Variants in FKBP11 observed in about 807,000 individuals in gnomAD.
FKBP11 encodes the protein peptidyl-prolyl cis-trans isomerase FKBP11.
Under a neutral mutation model 24.7 loss-of-function variants are expected in FKBP11, and 21 were observed. The ratio of observed to expected loss-of-function variants is 0.85; its 90% confidence interval spans 0.60 to 1.23. The LOEUF is 1.23. Ranked by LOEUF, FKBP11 falls within the 50% of genes most tolerant of loss-of-function variation. The pLI, the probability that FKBP11 is intolerant of heterozygous loss-of-function variation, is 0.00. For synonymous variants in FKBP11, 106 were observed against 100.6 expected (o/e 1.05, Z -0.32); for missense variants, 245 against 248.7 (o/e 0.99, Z 0.10).
chr12:48,933,698 C>CAAAA, the FKBP11 span, among the ~76,000 whole-genome samples: 3 of 103,328 alleles, frequency 2.9e-5, no homozygotes, highest in South Asian at 3.4e-4. Flanking sequence ...GACTCCGTCT[C>CAAAA]AAAAAAAAAA....
At chr12:48,932,182 T>C in the FKBP11 span, among the ~76,000 whole-genome samples, 2 of 135,864 alleles carry the variant, frequency 1.5e-5, no homozygotes, top group Non-Finnish European at 3.1e-5. Context: ...TATATATATA[T>C]ATAATATAAA....
chr12:48,931,322 C>T (rs1314701659), upstream of FKBP11: 8 of 1,148,158 alleles, frequency 7.0e-6, no homozygotes, highest in African/African-American at 1.5e-5. Flanking sequence ...AGGCTCTGTT[C>T]AGGAACCTGA....
intron 3 of FKBP11, 58 bp from the exon 4 acceptor site, chr12:48,924,314 C>T: frequency 6.2e-7 from 1 of 1,605,544 alleles, no homozygotes; most frequent in Non-Finnish European, 8.5e-7. Context: ...AATCCCATGA[C>T]ATGAAGATCA....
At chr12:48,923,119 G>T in intron 5 of FKBP11, 1 of 1,088,312 alleles carries the variant, frequency 9.2e-7, no homozygotes, top group Non-Finnish European at 1.1e-6. Context: ...TTGCACTCCA[G>T]CCTGGGCAAC....
the FKBP11 span, among the ~76,000 whole-genome samples, chr12:48,935,457 C>T: frequency 1.3e-5 from 2 of 152,136 alleles, no homozygotes; most frequent in African/African-American, 4.8e-5. Flanking sequence ...GGAAGGCTTG[C>T]CTGGCTCACC....
chr12:48,923,633 G>T, intron 5 of FKBP11, 149 bp downstream of exon 5: 2 of 1,562,202 alleles, frequency 1.3e-6, no homozygotes, highest in Non-Finnish European at 1.7e-6. Context: ...GGAAAAAGGT[G>T]GCCCTGTAGA....
At chr12:48,922,488 T>G (rs1446558206) in intron 5 of FKBP11, 7 of 974,924 alleles carry the variant, frequency 7.2e-6, no homozygotes, top group Non-Finnish European at 9.0e-6. Context: ...CTCTTCTCCA[T>G]TTGTAAGTGG....
At position 48,923,169 on chromosome 12, in the gene FKBP11, G is replaced by A. The variant is rs1034815584; in HGVS notation, c.388+613C>T. On this transcript the variant is annotated intron_variant, in intron 5 of 5. Coordinates refer to ENST00000550765, the MANE Select transcript of FKBP11 (RefSeq NM_016594.3). ...ATCTCAAAAAAAAAAAAAGAATTAC[G>A]AGCCCAATACTCTGTGGAGTACAAC... The A allele has an allele frequency of 9.5e-5, 104 of 1,093,742 alleles. No homozygotes were observed. The African/African-American group carries it at 1.2e-3, about 13-fold the overall frequency. 67.8% of individuals were successfully genotyped at this position (1,093,742 alleles called of 1,614,324 possible).
At chr12:48,922,728 A>C (rs1416556362) in intron 5 of FKBP11, 1 of 994,142 alleles carries the variant, frequency 1.0e-6, no homozygotes, top group African/African-American at 1.7e-5. Flanking sequence ...AACAGAAATG[A>C]GTGGGCAGAA....
At chr12:48,932,247 ATATATATATATATATTTTTTTTTTTT>A in the FKBP11 span, among the ~76,000 whole-genome samples, 42 of 36,162 alleles carry the variant, frequency 1.2e-3, 1 homozygote, top group East Asian at 7.6e-3. Context: ...ATATATATAT[ATATATATATATATATTTTTTTTTTTT>A]TTTTTTTTTT....
At position 48,925,458 on chromosome 12, in the gene FKBP11, C is replaced by G. The variant is rs1000288735; in HGVS notation, c.-30G>C. On this transcript the variant is annotated 5_prime_UTR_variant, in exon 1 of 6. Transcript: ENST00000550765. ...GGGCGCGGGGCAGGGAGCCGGGGCACCAGGACAGGCTGTTCGGGTGGCGGC... is the reference window on the plus strand; with the variant it reads ...GGGCGCGGGGCAGGGAGCCGGGGCAGCAGGACAGGCTGTTCGGGTGGCGGC... The G allele has an allele frequency of 1.9e-6, 3 of 1,542,340 alleles. No individual in the cohort carries two copies. In the African/African-American group the frequency reaches 4.1e-5, roughly 21 times the overall value.
chr12:48,938,210 T>G, the FKBP11 span: 1 of 357,024 alleles, frequency 2.8e-6, no homozygotes, highest in Middle Eastern at 1.0e-3. Context: ...GAGAGAAGAG[T>G]ACAAGGAAAA....
At chr12:48,923,617 T>G in intron 5 of FKBP11, 165 bp downstream of exon 5, 1 of 1,555,874 alleles carries the variant, frequency 6.4e-7, no homozygotes, top group Middle Eastern at 1.7e-4. Flanking sequence ...GTTGGTGATA[T>G]GAGGAGGAAA....
rs193242910 is a variant in FKBP11, at chr12:48,924,661, A to G, written c.196-13T>C. 2 of 1,610,016 alleles carry G rather than the reference A, an allele frequency of 1.2e-6. No individual in the cohort carries two copies. Among genetic ancestry groups the G allele is most frequent in the Non-Finnish European group, 1.7e-6 (2 of 1,176,580 alleles). The stretch of plus-strand genomic sequence containing the variant: ...CTACCAAGCTTCCCTGGGGGGAGAG[A>G]GCATCAAGAGCATACATCTAGCACC... On this transcript the variant is annotated splice_polypyrimidine_tract_variant and intron_variant, in intron 2 of 5. Coordinates refer to ENST00000550765, the MANE Select transcript of FKBP11 (RefSeq NM_016594.3).
At chr12:48,932,833 G>A in the FKBP11 span, among the ~76,000 whole-genome samples, 7 of 152,120 alleles carry the variant, frequency 4.6e-5, no homozygotes, top group Non-Finnish European at 7.4e-5. Flanking sequence ...CTGCTGCCTC[G>A]CCTGGATTGA....
chr12:48,938,710 T>C, the FKBP11 span: 15 of 565,728 alleles, frequency 2.7e-5, no homozygotes, highest in African/African-American at 2.5e-4. Flanking sequence ...AACAACTTTT[T>C]GTTTTAAATC....
the FKBP11 span, among the ~76,000 whole-genome samples, chr12:48,933,572 C>T: frequency 1.3e-5 from 2 of 151,962 alleles, no homozygotes; most frequent in Admixed American, 6.6e-5. Flanking sequence ...CATGGTGGCA[C>T]ATACCTGTAG....
In FKBP11 at chr12:48,923,475, G is replaced by T. The variant is rs967715859; in HGVS notation, c.388+307C>A. 2.5e-5 allele frequency: 38 copies of T among 1,549,560 alleles called. No individual in the cohort carries two copies. In the African/African-American group the frequency reaches 4.8e-4, roughly 20 times the overall value. Reference sequence around the variant, plus strand: ...TAGAGTTGTAGAAAAGGGCAGGAAAGAAGTCCAGTGTTCTGGGAAAGGTGG... The same window carrying T: ...TAGAGTTGTAGAAAAGGGCAGGAAATAAGTCCAGTGTTCTGGGAAAGGTGG... On this transcript the variant is annotated intron_variant, in intron 5 of 5. Transcript: ENST00000550765.
At chr12:48,938,677 G>C in the FKBP11 span, 1 of 475,878 alleles carries the variant, frequency 2.1e-6, no homozygotes, top group Non-Finnish European at 3.9e-6. Context: ...GTGAGAGAGA[G>C]AGGGGCCACC....
Sources: gnomAD v4.1 joint callset for allele counts (sites outside exome capture counted in the v4.1 genomes callset) on GRCh38, gnomAD v4.1.1 for gene constraint, MANE v1.5 for transcripts, NCBI Gene and HGNC (gene_info 2026-07-23, HGNC 2026-07-21) for gene names.